Variants in CDH23 observed in about 807,000 individuals in gnomAD.
CDH23 encodes cadherin-23.
CDH23 carries 189 observed loss-of-function variants against 317.1 expected under a neutral mutation model. The observed-to-expected ratio is 0.60, with a 90% CI of 0.53 to 0.67. The LOEUF (loss-of-function observed/expected upper bound fraction) is 0.67, where lower values mean the gene tolerates loss of function less well. CDH23 is among the 30% of genes least tolerant of loss of function. The pLI is 0.00. For synonymous variants in CDH23, 1,839 were observed against 1,876.8 expected (o/e 0.98, Z 0.52); for missense variants, 4,401 against 4,592.4 (o/e 0.96, Z 1.20).
At chr10:71,430,905 A>G (rs1312969354) in intron 1 of CDH23, among the ~76,000 whole-genome samples, 1 of 152,170 alleles carries the variant, frequency 6.6e-6, no homozygotes, top group Non-Finnish European at 1.5e-5. Context: ...AAAAAGAACA[A>G]GCAACTCCGT....
chr10:71,510,269 G>A (rs1385056473), intron 4 of CDH23, 45 bp downstream of exon 4: 2 of 1,595,418 alleles, frequency 1.3e-6, no homozygotes, highest in African/African-American at 1.3e-5. Flanking sequence ...CCTGGGGACA[G>A]GAGGAGACAC....
chr10:71,405,261 G>A (rs1012145527), intron 1 of CDH23, among the ~76,000 whole-genome samples: 1 of 151,954 alleles, frequency 6.6e-6, no homozygotes, highest in Non-Finnish European at 1.5e-5. Context: ...CTCCTGCTCC[G>A]AACTGCCCCT....
chr10:71,672,817 C>G (rs1864203000), intron 14 of CDH23, among the ~76,000 whole-genome samples: 1 of 152,118 alleles, frequency 6.6e-6, no homozygotes, highest in South Asian at 2.1e-4. Flanking sequence ...CCTCACATAT[C>G]CTTCCCGTCC....
chr10:71,632,822 C>T (rs562688059), intron 11 of CDH23, among the ~76,000 whole-genome samples: 5 of 150,540 alleles, frequency 3.3e-5, no homozygotes, highest in African/African-American at 1.0e-4. Context: ...TCTCACCTGC[C>T]TTCCCACGTG....
At chr10:71,621,068 G>A (rs2132529197) in intron 11 of CDH23, among the ~76,000 whole-genome samples, 1 of 152,348 alleles carries the variant, frequency 6.6e-6, no homozygotes. Flanking sequence ...AAGAAGGACT[G>A]CAAAAGCAGT....
intron 9 of CDH23, 66 bp from the exon 10 acceptor site, chr10:71,615,430 ATGCCCCCC>A: frequency 1.1e-6 from 1 of 911,702 alleles, no homozygotes; most frequent in Non-Finnish European, 1.8e-6. Context: ...CCCCAGCTCC[ATGCCCCCC>A]TGCCCCCAGC....
chr10:71,426,367 T>C (rs1849079499), intron 1 of CDH23, among the ~76,000 whole-genome samples: 1 of 152,210 alleles, frequency 6.6e-6, no homozygotes, highest in Admixed American at 6.5e-5. Context: ...CCTGGGGTCT[T>C]CCTTTCCATC....
At chr10:71,671,728 G>T (rs559655397) in intron 14 of CDH23, among the ~76,000 whole-genome samples, 6 of 152,260 alleles carry the variant, frequency 3.9e-5, no homozygotes, top group African/African-American at 1.4e-4. Context: ...GCCAGCATCT[G>T]GGGGGCTGCT....
intron 11 of CDH23, among the ~76,000 whole-genome samples, chr10:71,631,055 G>GCAA (rs1861990487): frequency 6.6e-6 from 1 of 152,162 alleles, no homozygotes; most frequent in Admixed American, 6.5e-5. Flanking sequence ...ACCAGCCTGG[G>GCAA]CAACATACTG....
At chr10:71,627,446 G>T (rs961411534) in intron 11 of CDH23, among the ~76,000 whole-genome samples, 2 of 152,150 alleles carry the variant, frequency 1.3e-5, no homozygotes, top group Non-Finnish European at 2.9e-5. Context: ...TCCTCCCAGC[G>T]TGCTAAGCTC....
At chr10:71,521,232 C>T (rs1458082176) in intron 6 of CDH23, among the ~76,000 whole-genome samples, 1 of 152,054 alleles carries the variant, frequency 6.6e-6, no homozygotes, top group Non-Finnish European at 1.5e-5. Flanking sequence ...AGGCATGGGG[C>T]ACTGCCAGCC....
chr10:71,643,369 C>T (rs1273738229), intron 11 of CDH23, among the ~76,000 whole-genome samples: 1 of 152,140 alleles, frequency 6.6e-6, no homozygotes, highest in Non-Finnish European at 1.5e-5. Flanking sequence ...TTTGCCATGT[C>T]TCTGCTCATC....
Position 71,725,525 on chromosome 10 carries a change from G to T in CDH23, c.3579+5G>T. 1.9e-6 allele frequency: 3 copies of T among 1,611,388 alleles called. No individual in the cohort carries two copies. The highest frequency in any genetic ancestry group is 2.5e-6 in the Non-Finnish European group (3 of 1,178,628). ...CCCATGCGGAGCTCCGTCAGGGTGA[G>T]GCTAGGGGCGGGCTGGGGTGCTGAC... On this transcript the variant is annotated splice_donor_5th_base_variant and intron_variant, in intron 30 of 69. Coordinates refer to ENST00000224721, the MANE Select transcript of CDH23 (RefSeq NM_022124.6).
chr10:71,483,134 G>T (rs944062392), intron 3 of CDH23, among the ~76,000 whole-genome samples: 1 of 152,210 alleles, frequency 6.6e-6, no homozygotes. Context: ...GTGCCAGTAA[G>T]GCTGGGGCTG....
intron 32 of CDH23, among the ~76,000 whole-genome samples, chr10:71,733,230 G>C (rs754639384): frequency 6.6e-6 from 1 of 152,216 alleles, no homozygotes; most frequent in Non-Finnish European, 1.5e-5. Flanking sequence ...GAGACACACA[G>C]AGCAAGGCAT....
intron 28 of CDH23, among the ~76,000 whole-genome samples, chr10:71,721,087 C>A (rs1866534928): frequency 6.6e-6 from 1 of 152,208 alleles, no homozygotes; most frequent in African/African-American, 2.4e-5. Context: ...CCTGAGATGA[C>A]AGAAGACAAA....
intron 3 of CDH23, among the ~76,000 whole-genome samples, chr10:71,457,648 C>G (rs958014339): frequency 2.6e-5 from 4 of 152,258 alleles, no homozygotes; most frequent in African/African-American, 9.6e-5. Flanking sequence ...AGGCCCCGGA[C>G]TGGGGCCGGT....
chr10:71,565,310 C>T (rs941633826), intron 6 of CDH23, among the ~76,000 whole-genome samples: 1 of 152,166 alleles, frequency 6.6e-6, no homozygotes. Context: ...ATTGTATTAT[C>T]AGAGCCCACT....
At chr10:71,720,960 A>G (rs1022686020) in intron 28 of CDH23, among the ~76,000 whole-genome samples, 4 of 152,178 alleles carry the variant, frequency 2.6e-5, no homozygotes, top group Non-Finnish European at 4.4e-5. Flanking sequence ...GGTGTTTTCA[A>G]TGCCCAGAGT....
Sources: gnomAD v4.1 joint callset for allele counts (sites outside exome capture counted in the v4.1 genomes callset) on GRCh38, gnomAD v4.1.1 for gene constraint, MANE v1.5 for transcripts, NCBI Gene and HGNC (gene_info 2026-07-23, HGNC 2026-07-21) for gene names.